KCNIP4: variants seen among roughly 807,000 people sequenced by gnomAD.
The protein encoded by KCNIP4 is Kv channel-interacting protein 4.
In KCNIP4, 12 loss-of-function variants were observed where a neutral mutation model predicts 34.0. The observed-to-expected ratio is 0.35, with a 90% confidence interval of 0.23 to 0.57. KCNIP4 has a LOEUF of 0.57. Among genes scored for constraint, KCNIP4 ranks in the 20% least tolerant of loss-of-function variants. KCNIP4 has a pLI of 0.83. For missense variants in KCNIP4, 238 were observed against 311.7 expected (o/e 0.76, Z 1.78); for synonymous variants, 124 against 102.2 (o/e 1.21, Z -1.29).
In KCNIP4 at chr4:21,765,834, A is replaced by C. The variant is rs984173457; in HGVS notation, c.61+182737T>G. 5.3e-5 allele frequency among the ~76,000 whole-genome samples: 8 copies of C among 151,552 alleles called. No homozygotes were observed. In the South Asian group the frequency reaches 6.3e-4, roughly 12 times the overall value. The stretch of plus-strand genomic sequence containing the variant: ...ACCAGGCCGTGAAAAAAAAAAAAAA[A>C]AAAAACAAACTGAAGATGTGTATGT... On this transcript the variant is annotated intron_variant, in intron 1 of 8. Transcript: ENST00000382152.
At chr4:21,865,655 G>A (rs1056307386) in intron 1 of KCNIP4, among the ~76,000 whole-genome samples, 1 of 151,970 alleles carries the variant, frequency 6.6e-6, no homozygotes, top group Admixed American at 6.6e-5. Flanking sequence ...TGATTTTCCT[G>A]CCTCAGCCTC....
intron 1 of KCNIP4, among the ~76,000 whole-genome samples, chr4:21,193,879 A>C (rs1434236253): frequency 6.6e-6 from 1 of 152,168 alleles, no homozygotes; most frequent in Non-Finnish European, 1.5e-5. Context: ...CCTAAAATTT[A>C]TTTTTAAACT....
In KCNIP4 at chr4:21,391,763, G is replaced by T. The variant is rs1456971073; in HGVS notation, c.62-509054C>A. On this transcript the variant is annotated intron_variant, in intron 1 of 8. Coordinates refer to ENST00000382152, the MANE Select transcript of KCNIP4 (RefSeq NM_025221.6). Reference sequence around the variant, plus strand: ...CAGCTCAAAAGTCTTCATCAGCTGTGCTAAATTCTTCTTGTCCCCTGCAAT... The same window carrying T: ...CAGCTCAAAAGTCTTCATCAGCTGTTCTAAATTCTTCTTGTCCCCTGCAAT... Among the ~76,000 whole-genome samples the T allele has an allele frequency of 2.0e-5, 3 of 152,162 alleles. No homozygotes were observed. In the East Asian group the frequency reaches 5.8e-4, roughly 29 times the overall value.
intron 3 of KCNIP4, among the ~76,000 whole-genome samples, chr4:20,823,679 G>A (rs1229561562): frequency 1.3e-5 from 2 of 152,112 alleles, no homozygotes; most frequent in Non-Finnish European, 2.9e-5. Flanking sequence ...CTTGATCTTG[G>A]ATTTCTCAGC....
At position 21,060,604 on chromosome 4, in the gene KCNIP4, A is replaced by G. The variant is rs150999052; in HGVS notation, c.62-177895T>C. ...CAAGAACATTACCTGCTCCGGTTGC[A>G]TATAAAGGAGTCATGTGACTGATTT... is the stretch of plus-strand genomic sequence containing the variant. On this transcript the variant is annotated intron_variant, in intron 1 of 8. Transcript: ENST00000382152. Among the ~76,000 whole-genome samples the G allele has an allele frequency of 1.7e-3, 264 of 152,308 alleles. 1 individual carries two copies. Among genetic ancestry groups the G allele is most frequent in the African/African-American group, 6.1e-3 (252 of 41,592 alleles).
At chr4:21,828,725 A>G (rs1722811725) in intron 1 of KCNIP4, among the ~76,000 whole-genome samples, 2 of 152,112 alleles carry the variant, frequency 1.3e-5, no homozygotes, top group South Asian at 4.1e-4. Flanking sequence ...TGCTGAGAAG[A>G]AAAAAATGTA....
intron 1 of KCNIP4, among the ~76,000 whole-genome samples, chr4:21,410,609 T>C (rs1404490982): frequency 1.3e-5 from 2 of 152,150 alleles, no homozygotes; most frequent in East Asian, 3.9e-4. Context: ...GTTAAGCCTG[T>C]AGGTGGCAGA....
At chr4:21,474,369 A>G (rs1273441984) in intron 1 of KCNIP4, among the ~76,000 whole-genome samples, 1 of 152,196 alleles carries the variant, frequency 6.6e-6, no homozygotes, top group Non-Finnish European at 1.5e-5. Context: ...AGATGAAAAA[A>G]GCAATGTTTT....
intron 1 of KCNIP4, among the ~76,000 whole-genome samples, chr4:21,107,316 C>T (rs1410333745): frequency 7.0e-6 from 1 of 141,968 alleles, no homozygotes. Context: ...GGATAGTTAG[C>T]TCTTCTTGTT....
chr4:21,381,340 G>T (rs1006587527), intron 1 of KCNIP4, among the ~76,000 whole-genome samples: 4 of 152,116 alleles, frequency 2.6e-5, no homozygotes, highest in African/African-American at 7.2e-5. Flanking sequence ...AGCATTGCAG[G>T]CAGATAGTAG....
chr4:21,350,033 A>G (rs943552556), intron 1 of KCNIP4, among the ~76,000 whole-genome samples: 1 of 152,124 alleles, frequency 6.6e-6, no homozygotes, highest in Non-Finnish European at 1.5e-5. Flanking sequence ...TCTTTCTCTC[A>G]ATAACATGTA....
intron 1 of KCNIP4, among the ~76,000 whole-genome samples, chr4:21,543,882 C>T (rs1380993470): frequency 4.0e-5 from 6 of 151,892 alleles, no homozygotes; most frequent in East Asian, 3.9e-4. Context: ...GCATTGTCTA[C>T]GATGGAATGT....
intron 1 of KCNIP4, among the ~76,000 whole-genome samples, chr4:21,760,553 C>T (rs1251086635): frequency 2.0e-5 from 3 of 151,992 alleles, no homozygotes; most frequent in African/African-American, 7.3e-5. Context: ...GGCAGCATGG[C>T]AATGTGAAAT....
intron 1 of KCNIP4, among the ~76,000 whole-genome samples, chr4:21,057,990 C>A (rs1366219677): frequency 6.6e-6 from 1 of 152,034 alleles, no homozygotes; most frequent in African/African-American, 2.4e-5. Context: ...TGTGATAATA[C>A]ATTCATAGAC....
rs567394733 is a variant in KCNIP4, at chr4:21,093,942, C to T, written c.62-211233G>A. ...CTAAAAATACAAAAAATTAGCCAGG[C>T]GTGGTGGCGGGCGCCTGTAGTCCCA... On this transcript the variant is annotated intron_variant, in intron 1 of 8. Coordinates refer to ENST00000382152, the MANE Select transcript of KCNIP4 (RefSeq NM_025221.6). Among the ~76,000 whole-genome samples the T allele has an allele frequency of 2.0e-4, 30 of 151,842 alleles. 1 individual carries two copies. The highest frequency in any genetic ancestry group is 4.2e-4 in the South Asian group (2 of 4,810).
chr4:21,105,538 CA>C (rs1312287377), intron 1 of KCNIP4, among the ~76,000 whole-genome samples: 1 of 151,666 alleles, frequency 6.6e-6, no homozygotes, highest in Non-Finnish European at 1.5e-5. Flanking sequence ...ATGTCATCTG[CA>C]AACAGGGACA....
At chr4:21,125,867 C>G (rs2109151440) in intron 1 of KCNIP4, among the ~76,000 whole-genome samples, 1 of 152,196 alleles carries the variant, frequency 6.6e-6, no homozygotes, top group Non-Finnish European at 1.5e-5. Context: ...AAGGAGCACA[C>G]TATAACCTTT....
At chr4:21,875,919 T>C (rs1560780398) in intron 1 of KCNIP4, among the ~76,000 whole-genome samples, 1 of 152,146 alleles carries the variant, frequency 6.6e-6, no homozygotes, top group Non-Finnish European at 1.5e-5. Context: ...TAGAGGCATT[T>C]CAGGACAAGT....
At chr4:20,869,385 G>GT (rs1393156619) in intron 2 of KCNIP4, among the ~76,000 whole-genome samples, 1 of 151,988 alleles carries the variant, frequency 6.6e-6, no homozygotes, top group Non-Finnish European at 1.5e-5. Context: ...ATAGAATAAG[G>GT]TAACTGTGGG....
Sources: allele counts gnomAD v4.1 joint callset (sites outside exome capture counted in the v4.1 genomes callset), GRCh38; gene constraint gnomAD v4.1.1; transcripts MANE v1.5; gene names NCBI Gene and HGNC (gene_info 2026-07-23, HGNC 2026-07-21).